The following C1orf105 variants were observed in gnomAD, a reference collection of about 807,000 sequenced individuals.
The protein encoded by C1orf105 is uncharacterized protein C1orf105.
A neutral mutation model predicts 20.8 loss-of-function variants in C1orf105; 17 were observed. That is an observed-to-expected ratio of 0.82 (90% CI 0.56 to 1.23). The LOEUF is 1.23. C1orf105 is among the 50% of genes most tolerant of loss of function. The probability of loss-of-function intolerance (pLI) is 0.00; values close to 1 mark genes in which losing one functional copy is unlikely to be tolerated. For synonymous variants in C1orf105, 72 were observed against 72.1 expected (o/e 1.00, Z 0.01); for missense variants, 219 against 213.5 (o/e 1.03, Z -0.16).
chr1:172,458,938 T>A (rs1481195165), intron 4 of C1orf105, among the ~76,000 whole-genome samples: 2 of 152,160 alleles, frequency 1.3e-5, no homozygotes, highest in African/African-American at 4.8e-5. Flanking sequence ...GACAGTTCAA[T>A]GAGGAAAGAA....
At chr1:172,458,653 C>T (rs1649483021) in intron 4 of C1orf105, among the ~76,000 whole-genome samples, 1 of 152,046 alleles carries the variant, frequency 6.6e-6, no homozygotes, top group Non-Finnish European at 1.5e-5. Context: ...TTAATGTAAT[C>T]CTCAAAATCC....
Position 172,422,626 on chromosome 1 carries a change from G to A in C1orf105, c.21+1720G>A, listed in dbSNP as rs567655366. On this transcript the variant is annotated intron_variant, in intron 1 of 6. Transcript: ENST00000367727. ...CAGAGGGAAGAATAAAGGGGACTCC[G>A]TCTTGAGCTTAGGTACCAGCTTAGC... Among the ~76,000 whole-genome samples, 69 of 151,948 alleles carry A rather than the reference G, an allele frequency of 4.5e-4. 1 individual carries two copies. In the South Asian group the frequency reaches 5.8e-3, roughly 13 times the overall value.
chr1:172,453,161 G>A (rs1191944687), intron 3 of C1orf105: 2 of 1,550,940 alleles, frequency 1.3e-6, no homozygotes, highest in East Asian at 4.9e-5. Flanking sequence ...CTTCTTGGAG[G>A]CCAGGCTTCA....
At chr1:172,452,575 A>G (rs1191703539) in intron 3 of C1orf105, among the ~76,000 whole-genome samples, 2 of 152,202 alleles carry the variant, frequency 1.3e-5, no homozygotes, top group Non-Finnish European at 2.9e-5. Context: ...AGATGGAGAG[A>G]AATATATTTC....
chr1:172,430,300 C>A, intron 1 of C1orf105: 1 of 701,992 alleles, frequency 1.4e-6, no homozygotes, highest in Non-Finnish European at 2.6e-6. Flanking sequence ...AGGCCTGAAT[C>A]CTTGTGCCAG....
intron 1 of C1orf105, chr1:172,444,103 T>C: frequency 2.0e-6 from 2 of 994,640 alleles, no homozygotes; most frequent in South Asian, 4.7e-5. Context: ...GCAATCTCCT[T>C]AGCGAGGGCA....
At chr1:172,462,588 G>GA (rs1649775715) in intron 5 of C1orf105, among the ~76,000 whole-genome samples, 1 of 152,096 alleles carries the variant, frequency 6.6e-6, no homozygotes, top group African/African-American at 2.4e-5. Context: ...AGATATGGGG[G>GA]ATTACACATA....
chr1:172,460,572 TA>T (rs1649617803), intron 4 of C1orf105, among the ~76,000 whole-genome samples: 1 of 151,918 alleles, frequency 6.6e-6, no homozygotes, highest in South Asian at 2.1e-4. Flanking sequence ...TAACATATAT[TA>T]AAAAATAGTT....
intron 1 of C1orf105, among the ~76,000 whole-genome samples, chr1:172,421,860 C>A (rs746147236): frequency 2.6e-5 from 4 of 151,746 alleles, no homozygotes; most frequent in Non-Finnish European, 5.9e-5. Flanking sequence ...GAGGGCACAG[C>A]GATTGTGGGA....
intron 3 of C1orf105, among the ~76,000 whole-genome samples, chr1:172,453,722 T>TA (rs1239823383): frequency 6.6e-6 from 1 of 152,192 alleles, no homozygotes; most frequent in East Asian, 1.9e-4. Context: ...TAAACACATT[T>TA]AAAATCAAGA....
chr1:172,429,627 T>C (rs2071814825), intron 1 of C1orf105, among the ~76,000 whole-genome samples: 1 of 152,236 alleles, frequency 6.6e-6, no homozygotes, highest in African/African-American at 2.4e-5. Flanking sequence ...ATGTAAATGA[T>C]GGCTCAATAT....
At chr1:172,439,200 A>G (rs1201006287) in intron 1 of C1orf105, among the ~76,000 whole-genome samples, 2 of 152,192 alleles carry the variant, frequency 1.3e-5, no homozygotes, top group Non-Finnish European at 2.9e-5. Context: ...GTGTGTGTGT[A>G]CATGTCTATA....
At chr1:172,439,191 T>A (rs1240646593) in intron 1 of C1orf105, among the ~76,000 whole-genome samples, 1 of 152,176 alleles carries the variant, frequency 6.6e-6, no homozygotes, top group African/African-American at 2.4e-5. Context: ...ACACACTTTG[T>A]GTGTGTGTAC....
At chr1:172,430,599 C>T (rs942081186) in intron 1 of C1orf105, among the ~76,000 whole-genome samples, 2 of 152,070 alleles carry the variant, frequency 1.3e-5, no homozygotes, top group Non-Finnish European at 1.5e-5. Context: ...TCACCACCTC[C>T]AGTTAATTTT....
chr1:172,432,896 G>A (rs2071915509), intron 1 of C1orf105, among the ~76,000 whole-genome samples: 1 of 152,192 alleles, frequency 6.6e-6, no homozygotes, highest in South Asian at 2.1e-4. Context: ...TGGCTAACTA[G>A]AATAAACACC....
At chr1:172,444,765 G>A (rs542750500) in intron 1 of C1orf105, among the ~76,000 whole-genome samples, 1 of 152,282 alleles carries the variant, frequency 6.6e-6, no homozygotes, top group Admixed American at 6.5e-5. Context: ...ACAGAAGGAA[G>A]TAATAAAGAA....
rs922356208 is a variant in C1orf105 at position 172,441,273 on chromosome 1, G to A, written c.22-3800G>A. On this transcript the variant is annotated intron_variant, in intron 1 of 6. Coordinates refer to ENST00000367727, the MANE Select transcript of C1orf105 (RefSeq NM_139240.4). ...ATCTTGGGCAACAAAACTGAGCATA[G>A]CACCCTGTGTTCTAAGATTTGAGCC... Among the ~76,000 whole-genome samples, 6 of 151,976 alleles carry A rather than the reference G, an allele frequency of 3.9e-5. 1 individual carries two copies. The highest frequency in any genetic ancestry group is 8.8e-5 in the Non-Finnish European group (6 of 68,020).
chr1:172,453,206 A>G, intron 3 of C1orf105: 1 of 1,546,688 alleles, frequency 6.5e-7, no homozygotes, highest in African/African-American at 1.4e-5. Context: ...TACAGCACAG[A>G]TCAAAGATTG....
At position 172,461,146 on chromosome 1, in the gene C1orf105, G is replaced by A. The variant is rs765095304; in HGVS notation, c.274-1032G>A. On this transcript the variant is annotated intron_variant, in intron 4 of 6. Coordinates refer to ENST00000367727, the MANE Select transcript of C1orf105 (RefSeq NM_139240.4). ...CTAAAGCCTTGGCTGCCCCCACTATGCCCAGAGGCTCTTTGTTACCAGATC... is the reference window on the plus strand; with the variant it reads ...CTAAAGCCTTGGCTGCCCCCACTATACCCAGAGGCTCTTTGTTACCAGATC... Among the ~76,000 whole-genome samples the A allele has an allele frequency of 2.3e-4, 35 of 152,152 alleles. 1 individual carries two copies. The highest frequency in any genetic ancestry group is 4.6e-4 in the Non-Finnish European group (31 of 68,032).
Sources: allele counts gnomAD v4.1 joint callset (sites outside exome capture counted in the v4.1 genomes callset), GRCh38; gene constraint gnomAD v4.1.1; transcripts MANE v1.5; gene names NCBI Gene and HGNC (gene_info 2026-07-23, HGNC 2026-07-21).